Variants in RAP1A observed in about 807,000 individuals in gnomAD.
RAP1A encodes the protein RAP1A, member of RAS oncogene family, also known as ras-related protein Rap-1A.
Under a neutral mutation model 26.4 loss-of-function variants are expected in RAP1A, and 6 were observed. The observed-to-expected ratio is 0.23, with a 90% CI of 0.12 to 0.45. The LOEUF (loss-of-function observed/expected upper bound fraction) is 0.45, where lower values mean the gene tolerates loss of function less well. Ranked by LOEUF, RAP1A falls within the 20% of genes least tolerant of loss-of-function variation. The probability of loss-of-function intolerance (pLI) is 0.99; values close to 1 mark genes in which losing one functional copy is unlikely to be tolerated. For missense variants in RAP1A, 121 were observed against 217.2 expected, an observed-to-expected ratio of 0.56 and a Z score of 2.78; for synonymous variants, 73 against 79.4, an observed-to-expected ratio of 0.92 and a Z score of 0.43.
At chr1:111,563,694 G>A (rs1657836413) in intron 1 of RAP1A, 4 of 604,480 alleles carry the variant, frequency 6.6e-6, no homozygotes, top group Non-Finnish European at 8.9e-6. Context: ...ACAACCCTGT[G>A]GAATACAAAT....
intron 1 of RAP1A, among the ~76,000 whole-genome samples, chr1:111,676,411 A>G (rs2101195500): frequency 6.6e-6 from 1 of 152,132 alleles, no homozygotes; most frequent in Middle Eastern, 3.4e-3. Flanking sequence ...CCATATCAGT[A>G]TGTAACTGGT....
At chr1:111,628,700 G>T (rs984937610) in intron 1 of RAP1A, among the ~76,000 whole-genome samples, 2 of 152,082 alleles carry the variant, frequency 1.3e-5, no homozygotes, top group African/African-American at 4.8e-5. Flanking sequence ...AAAAGGGAGG[G>T]TTTTGGAGGA....
chr1:111,589,597 G>A (rs1212714183), intron 1 of RAP1A, among the ~76,000 whole-genome samples: 1 of 152,018 alleles, frequency 6.6e-6, no homozygotes, highest in African/African-American at 2.4e-5. Context: ...GAATCTCTTT[G>A]CTCCATTTCT....
intron 1 of RAP1A, among the ~76,000 whole-genome samples, chr1:111,647,251 A>G (rs1004078768): frequency 6.6e-6 from 1 of 152,180 alleles, no homozygotes; most frequent in African/African-American, 2.4e-5. Flanking sequence ...TGAGAATCTA[A>G]TGCCTGATGA....
At chr1:111,669,718 A>G (rs1660916685) in intron 1 of RAP1A, among the ~76,000 whole-genome samples, 1 of 152,252 alleles carries the variant, frequency 6.6e-6, no homozygotes, top group South Asian at 2.1e-4. Context: ...AATTTCAGAT[A>G]TGAAGAAAAA....
At chr1:111,704,279 A>T in intron 5 of RAP1A, 64 bp from the exon 6 acceptor site, 2 of 1,508,752 alleles carry the variant, frequency 1.3e-6, no homozygotes, top group South Asian at 1.2e-5. Context: ...TTGCTTATTT[A>T]TTTTTTTAAA....
chr1:111,708,544 C>T (rs570340277), intron 6 of RAP1A, among the ~76,000 whole-genome samples: 1 of 152,270 alleles, frequency 6.6e-6, no homozygotes, highest in Non-Finnish European at 1.5e-5. Context: ...TGGATCCTGT[C>T]CTTGGAGGGG....
At chr1:111,550,626 A>C (rs1657219822) in intron 1 of RAP1A, among the ~76,000 whole-genome samples, 1 of 152,044 alleles carries the variant, frequency 6.6e-6, no homozygotes, top group Admixed American at 6.6e-5. Flanking sequence ...TTTAATTTCC[A>C]TATATTTAGG....
intron 1 of RAP1A, among the ~76,000 whole-genome samples, chr1:111,677,037 G>A (rs181165083): frequency 6.3e-4 from 96 of 152,192 alleles, no homozygotes; most frequent in African/African-American, 2.2e-3. Context: ...CAGGTGATCC[G>A]CCTACCTCGG....
At chr1:111,675,120 G>A (rs1405035169) in intron 1 of RAP1A, among the ~76,000 whole-genome samples, 2 of 151,992 alleles carry the variant, frequency 1.3e-5, no homozygotes, top group East Asian at 1.9e-4. Context: ...GTCCTTCTAA[G>A]CATTATAGCT....
Position 111,715,536 on chromosome 1 carries a change from G to A in RAP1A, c.*3135G>A, listed in dbSNP as rs1301893760. The A allele has an allele frequency of 6.6e-6, 1 of 152,154 alleles. No individual in the cohort carries two copies. The highest frequency in any genetic ancestry group is 1.9e-4 in the East Asian group (1 of 5,202). 9.4% of individuals were successfully genotyped at this position (152,154 alleles called of 1,614,324 possible). ...CATCAAAGATATGAATAACACCCTA[G>A]TTTTCTGAACTGCAGCTGCATGGGT... On this transcript the variant is annotated 3_prime_UTR_variant, in exon 8 of 8. Coordinates refer to ENST00000369709, the MANE Select transcript of RAP1A (RefSeq NM_002884.4).
At chr1:111,575,242 G>A (rs970720048) in intron 1 of RAP1A, among the ~76,000 whole-genome samples, 3 of 151,978 alleles carry the variant, frequency 2.0e-5, no homozygotes, top group Non-Finnish European at 4.4e-5. Flanking sequence ...TCTGCCTCCA[G>A]AGTGCAAGGG....
chr1:111,548,178 A>G (rs532974738), intron 1 of RAP1A, among the ~76,000 whole-genome samples: 6 of 152,232 alleles, frequency 3.9e-5, no homozygotes, highest in African/African-American at 1.4e-4. Flanking sequence ...GTGCCACCAC[A>G]CCTGGCTAAT....
intron 1 of RAP1A, among the ~76,000 whole-genome samples, chr1:111,585,281 T>C (rs1165438820): frequency 6.6e-6 from 1 of 152,216 alleles, no homozygotes; most frequent in Non-Finnish European, 1.5e-5. Context: ...CTATATCTCT[T>C]TTAAAACTGT....
chr1:111,545,286 A>T (rs1326461937), intron 1 of RAP1A, among the ~76,000 whole-genome samples: 2 of 151,630 alleles, frequency 1.3e-5, no homozygotes, highest in East Asian at 3.9e-4. Context: ...GCCAACACTT[A>T]TTTTTCCTTT....
chr1:111,666,497 T>G (rs1179099077), intron 1 of RAP1A, among the ~76,000 whole-genome samples: 1 of 152,134 alleles, frequency 6.6e-6, no homozygotes, highest in Admixed American at 6.5e-5. Context: ...TGGTAGTCAT[T>G]GAATGTAAGA....
At chr1:111,649,679 T>C (rs1376559211) in intron 1 of RAP1A, 1 of 154,736 alleles carries the variant, frequency 6.5e-6, no homozygotes, top group Non-Finnish European at 1.4e-5. Flanking sequence ...TGATTCTGAC[T>C]TGATTTTTGA....
intron 1 of RAP1A, among the ~76,000 whole-genome samples, chr1:111,643,498 T>C (rs961671924): frequency 3.3e-5 from 5 of 152,240 alleles, no homozygotes; most frequent in African/African-American, 1.2e-4. Context: ...TTAAGCTGTT[T>C]ATTAGCACTA....
intron 1 of RAP1A, among the ~76,000 whole-genome samples, chr1:111,575,538 G>T (rs550990991): frequency 6.6e-6 from 1 of 152,252 alleles, no homozygotes; most frequent in Non-Finnish European, 1.5e-5. Context: ...GTTGTTATGG[G>T]CTAAATGAAT....
Sources: gnomAD v4.1 joint callset for allele counts (sites outside exome capture counted in the v4.1 genomes callset) on GRCh38, gnomAD v4.1.1 for gene constraint, MANE v1.5 for transcripts, NCBI Gene and HGNC (gene_info 2026-07-23, HGNC 2026-07-21) for gene names.